Variants in UGP2 observed in about 807,000 individuals in gnomAD.
UGP2 encodes UDP-glucose pyrophosphorylase 2.
A neutral mutation model predicts 49.0 loss-of-function variants in UGP2; 40 were observed. That is an observed-to-expected ratio of 0.82 (90% CI 0.63 to 1.06). UGP2 has a LOEUF of 1.06. Among genes scored for constraint, UGP2 ranks in the 50% least tolerant of loss-of-function variants. UGP2 has a pLI of 0.00. For synonymous variants in UGP2, 225 were observed against 213.0 expected, an observed-to-expected ratio of 1.06 and a Z score of -0.49; for missense variants, 460 against 603.5, an observed-to-expected ratio of 0.76 and a Z score of 2.49.
At chr2:63,867,035 G>T (rs1670230565) in intron 3 of UGP2, among the ~76,000 whole-genome samples, 1 of 152,008 alleles carries the variant, frequency 6.6e-6, no homozygotes, top group Admixed American at 6.6e-5. Context: ...TGAGCTTGTG[G>T]TTTAATTTCT....
At chr2:63,851,322 G>C (rs768114574) in intron 1 of UGP2, among the ~76,000 whole-genome samples, 22 of 152,162 alleles carry the variant, frequency 1.4e-4, no homozygotes, top group Non-Finnish European at 2.5e-4. Flanking sequence ...CCCCTCAAGA[G>C]AATATGTTCT....
At chr2:63,874,055 CT>C (rs1236514783) in intron 3 of UGP2, among the ~76,000 whole-genome samples, 2 of 152,318 alleles carry the variant, frequency 1.3e-5, no homozygotes, top group East Asian at 3.9e-4. Context: ...TTTTAATTCA[CT>C]TCTAGTTAAT....
At chr2:63,878,415 T>C (rs1268547813) in intron 3 of UGP2, among the ~76,000 whole-genome samples, 2 of 152,232 alleles carry the variant, frequency 1.3e-5, no homozygotes, top group African/African-American at 4.8e-5. Context: ...GGTATGTTTT[T>C]AGCATTGTTG....
chr2:63,870,068 G>T (rs1670448477), intron 3 of UGP2, among the ~76,000 whole-genome samples: 4 of 151,836 alleles, frequency 2.6e-5, no homozygotes, highest in Admixed American at 2.6e-4. Context: ...GACTGTAGGC[G>T]CCGGCCACCA....
intron 5 of UGP2, 134 bp from the exon 6 acceptor site, chr2:63,885,455 C>A: frequency 1.4e-6 from 1 of 723,212 alleles, no homozygotes; most frequent in Non-Finnish European, 2.0e-6. Flanking sequence ...AATGGATTCA[C>A]CTATAATTAA....
At chr2:63,852,305 A>G (rs2104262742) in intron 1 of UGP2, among the ~76,000 whole-genome samples, 1 of 152,322 alleles carries the variant, frequency 6.6e-6, no homozygotes, top group Admixed American at 6.5e-5. Flanking sequence ...TCCCACCCCA[A>G]ACCTACTGAA....
Position 63,887,403 on chromosome 2 carries a change from C to A in UGP2, c.1073C>A (p.Thr358Asn), listed in dbSNP as rs1263791730. ...IDMEIIVNAK[T>N]LDGGLNVIQL... ...TTCCCCACCCCTAATTTCTTACAGA[C>A]TTTGGATGGAGGCCTGAATGTCATT... Residue 358 changes from threonine to asparagine, a missense_variant and splice_region_variant, in exon 8 of 10, where the codon ACT (threonine) becomes AAT (asparagine). Around this residue, in one of 2 missense-constraint regions of UGP2, gnomAD observed 317 missense variants for 473.0 expected, o/e 0.67. Transcript: ENST00000337130. 6.2e-7 allele frequency: 1 copy of A among 1,613,924 alleles called. No homozygotes were observed. Among genetic ancestry groups the A allele is most frequent in the Non-Finnish European group, 8.5e-7 (1 of 1,179,968 alleles).
At chr2:63,889,782 A>G (rs978287724) in intron 8 of UGP2, 4 of 227,724 alleles carry the variant, frequency 1.8e-5, no homozygotes, top group African/African-American at 6.9e-5. Context: ...GATTGTGTGA[A>G]CTATTCATCT....
Position 63,842,128 on chromosome 2 carries a change from A to T in UGP2, c.-58A>T. On this transcript the variant is annotated 5_prime_UTR_variant, in exon 1 of 10. Transcript: ENST00000337130. ...GGAGAGGAAGAGAGACCTGCCCTGT[A>T]GCGTGACTCCTCTAGAAAAAAAAAA... The T allele has an allele frequency of 6.4e-7, 1 of 1,559,364 alleles. No homozygotes were observed. The highest frequency in any genetic ancestry group is 8.6e-7 in the Non-Finnish European group (1 of 1,161,902).
At position 63,862,493 on chromosome 2, in the gene UGP2, GACA is replaced by G. The variant is rs948357661; in HGVS notation, c.255+4562_255+4564del. Among the ~76,000 whole-genome samples the G allele has an allele frequency of 6.6e-4, 100 of 152,170 alleles. 1 individual carries two copies. Among genetic ancestry groups the G allele is most frequent in the African/African-American group, 2.3e-3 (96 of 41,476 alleles). ...GAAATGGGGACCTGATAAAGGAACT[GACA>G]ACAAGCCCATGATTATTAATTCCAT... On this transcript the variant is annotated intron_variant, in intron 3 of 9. Coordinates refer to ENST00000337130, the MANE Select transcript of UGP2 (RefSeq NM_006759.4).
In UGP2 at chr2:63,855,673, C is replaced by T. The variant is rs1460796881; in HGVS notation, c.20-633C>T. The stretch of plus-strand genomic sequence containing the variant: ...CCTCCTGCTTCAGCCTTCCAAGTAG[C>T]TGGGAATACAGACAAGCGCCACCAC... On this transcript the variant is annotated intron_variant, in intron 1 of 9. Coordinates refer to ENST00000337130, the MANE Select transcript of UGP2 (RefSeq NM_006759.4). 7 of 441,110 alleles carry T rather than the reference C, an allele frequency of 1.6e-5. No homozygotes were observed. The Admixed American group carries it at 1.7e-4, about 11-fold the overall frequency. The allele number at this position is 441,110 out of a possible 1,614,324, so 27.3% of individuals were successfully genotyped here. A position where few individuals can be genotyped will look rare whatever the true frequency, so the allele number is the denominator to read the frequency against.
At chr2:63,880,565 T>G (rs1205349242) in intron 3 of UGP2, among the ~76,000 whole-genome samples, 1 of 152,208 alleles carries the variant, frequency 6.6e-6, no homozygotes, top group East Asian at 1.9e-4. Flanking sequence ...TACTCTTATT[T>G]TTCTAGCAGT....
chr2:63,856,433 G>A lies in UGP2; in HGVS notation c.147G>A (p.Glu49=), dbSNP rs1363027817. The part of the protein sequence containing the change: ...ILTTASSHEF[E]HTKKDLDGFR... ...CCACAGCATCATCACATGAATTTGA[G>A]GTAAGGAGGTTTCTACAGTGTTCCA... The change falls in exon 2 of 10, where the codon GAG becomes GAA. Residue 49 remains glutamate (E), a splice_region_variant and synonymous_variant. Coordinates refer to ENST00000337130, the MANE Select transcript of UGP2 (RefSeq NM_006759.4). 2 of 1,610,260 alleles carry A rather than the reference G, an allele frequency of 1.2e-6. No individual in the cohort carries two copies. The highest frequency in any genetic ancestry group is 1.7e-5 in the Admixed American group (1 of 59,912).
chr2:63,878,506 G>T (rs1404818370), intron 3 of UGP2, among the ~76,000 whole-genome samples: 1 of 152,184 alleles, frequency 6.6e-6, no homozygotes, highest in Non-Finnish European at 1.5e-5. Context: ...AAGAAAAGCA[G>T]CACATTTAAT....
intron 1 of UGP2, among the ~76,000 whole-genome samples, chr2:63,846,661 G>A (rs1313435281): frequency 2.6e-5 from 4 of 152,140 alleles, no homozygotes; most frequent in Non-Finnish European, 4.4e-5. Context: ...AGCTAGCCAG[G>A]GAAGATTACT....
intron 3 of UGP2, among the ~76,000 whole-genome samples, chr2:63,865,396 G>A (rs1184246041): frequency 6.6e-6 from 1 of 152,184 alleles, no homozygotes; most frequent in African/African-American, 2.4e-5. Context: ...TTAGTGAGGA[G>A]ATGTTTGCAC....
chr2:63,891,353 G>A lies in UGP2; in HGVS notation c.*126G>A, dbSNP rs1219895071. 40 of 659,420 alleles carry A rather than the reference G, an allele frequency of 6.1e-5. No homozygotes were observed. Among genetic ancestry groups the A allele is most frequent in the Admixed American group, 2.6e-4 (7 of 27,390 alleles). 40.8% of individuals were successfully genotyped at this position (659,420 alleles called of 1,614,324 possible). The stretch of plus-strand genomic sequence containing the variant: ...CCCTGCAGTGTTGATTTTTAAAATA[G>A]AGTTTTCTGCAGTATGCTTTTAGTC... On this transcript the variant is annotated 3_prime_UTR_variant, in exon 10 of 10. Transcript: ENST00000337130.
intron 1 of UGP2, among the ~76,000 whole-genome samples, chr2:63,846,948 A>G (rs924141460): frequency 2.0e-5 from 3 of 152,224 alleles, no homozygotes; most frequent in Admixed American, 6.5e-5. Context: ...ACAGTTATAA[A>G]TGTAAAAAAA....
chr2:63,845,046 G>A (rs1671838679), intron 1 of UGP2, among the ~76,000 whole-genome samples: 3 of 152,196 alleles, frequency 2.0e-5, no homozygotes, highest in Admixed American at 6.5e-5. Flanking sequence ...TACTCTAAAT[G>A]AATTTGTCAT....
Sources: gnomAD v4.1 joint callset for allele counts (sites outside exome capture counted in the v4.1 genomes callset) on GRCh38, gnomAD v4.1.1 for gene constraint, gnomAD v4.1.1 regional missense constraint, MANE v1.5 for transcripts, NCBI Gene and HGNC (gene_info 2026-07-23, HGNC 2026-07-21) for gene names.